KANSL1: variants seen among roughly 807,000 people sequenced by gnomAD.
KANSL1 encodes KAT8 regulatory NSL complex subunit 1.
KANSL1 carries 22 observed loss-of-function variants against 103.6 expected under a neutral mutation model. That is an observed-to-expected ratio of 0.21 (90% CI 0.15 to 0.30). The LOEUF (loss-of-function observed/expected upper bound fraction) is 0.30, where lower values mean the gene tolerates loss of function less well. KANSL1 is among the 10% of genes least tolerant of loss of function. The probability of loss-of-function intolerance (pLI) is 1.00; values close to 1 mark genes in which losing one functional copy is unlikely to be tolerated. For missense variants in KANSL1, 1,337 were observed against 1,399.8 expected, an observed-to-expected ratio of 0.96 and a Z score of 0.72; for synonymous variants, 600 against 527.6, an observed-to-expected ratio of 1.14 and a Z score of -1.88.
At chr17:46,052,904 T>C (rs1041160035) in intron 6 of KANSL1, among the ~76,000 whole-genome samples, 6 of 131,944 alleles carry the variant, frequency 4.5e-5, no homozygotes, top group African/African-American at 1.8e-4. Flanking sequence ...GTTCAGGTTA[T>C]AGTGAGCCAT....
chr17:46,205,275 T>C (rs1340157069), intron 1 of KANSL1, among the ~76,000 whole-genome samples: 3 of 152,110 alleles, frequency 2.0e-5, no homozygotes, highest in Admixed American at 2.0e-4. Context: ...AGTTACAGGA[T>C]ACAAGCTCAA....
chr17:46,200,066 C>CACACACACACA (rs201474670), intron 1 of KANSL1, among the ~76,000 whole-genome samples: 7 of 150,604 alleles, frequency 4.6e-5, no homozygotes, highest in African/African-American at 4.9e-5. Flanking sequence ...CACACACACA[C>CACACACACACA]CCTGATTATT....
At chr17:46,193,539 C>G (rs2147940329), upstream of KANSL1, 1 of 148,452 alleles carries the variant, frequency 6.7e-6, no homozygotes, top group Non-Finnish European at 1.5e-5. Context: ...CGGCGCGCCG[C>G]CAGGGGGCGC....
At chr17:46,043,253 AT>A (rs974824473) in intron 7 of KANSL1, 1 of 151,536 alleles carries the variant, frequency 6.6e-6, no homozygotes, top group Non-Finnish European at 1.5e-5. Context: ...CATAGATTTT[AT>A]TTTTTCCTTT....
chr17:46,112,499 A>G (rs1355554622), intron 2 of KANSL1, among the ~76,000 whole-genome samples: 3 of 151,816 alleles, frequency 2.0e-5, no homozygotes, highest in Non-Finnish European at 4.4e-5. Context: ...GGCGTGGCCA[A>G]CATGGTGAAA....
At chr17:46,077,989 T>C (rs1363663609) in intron 4 of KANSL1, among the ~76,000 whole-genome samples, 2 of 152,204 alleles carry the variant, frequency 1.3e-5, no homozygotes, top group African/African-American at 4.8e-5. Flanking sequence ...TATTCATATG[T>C]ATGGTAATTT....
At position 46,140,545 on chromosome 17, in the gene KANSL1, A is replaced by G. The variant is rs1045026039; in HGVS notation, c.1289+30310T>C. 3.2e-4 allele frequency among the ~76,000 whole-genome samples: 49 copies of G among 152,214 alleles called. 1 individual carries two copies. The highest frequency in any genetic ancestry group is 3.1e-3 in the Admixed American group (48 of 15,292). ...CAAAAGAAACAAAAAAAAAACATAA[A>G]TTGGACTATATCAAAATTTAAAACT... is the stretch of plus-strand genomic sequence containing the variant. On this transcript the variant is annotated intron_variant, in intron 2 of 14. Transcript: ENST00000432791.
chr17:46,142,551 G>A (rs2044476913), intron 2 of KANSL1, among the ~76,000 whole-genome samples: 1 of 152,246 alleles, frequency 6.6e-6, no homozygotes, highest in Admixed American at 6.5e-5. Flanking sequence ...TGAAGCTGCA[G>A]CAAGCTACGA....
intron 2 of KANSL1, among the ~76,000 whole-genome samples, chr17:46,116,751 T>C (rs1219436195): frequency 2.6e-5 from 4 of 152,184 alleles, no homozygotes; most frequent in Non-Finnish European, 5.9e-5. Flanking sequence ...TCCAATTTCT[T>C]ATCAGTTTTC....
At chr17:46,140,553 A>G (rs1167705424) in intron 2 of KANSL1, among the ~76,000 whole-genome samples, 6 of 152,206 alleles carry the variant, frequency 3.9e-5, no homozygotes, top group Non-Finnish European at 5.9e-5. Context: ...AAATTGGACT[A>G]TATCAAAATT....
At chr17:46,119,074 G>A (rs947185978) in intron 2 of KANSL1, among the ~76,000 whole-genome samples, 2 of 152,194 alleles carry the variant, frequency 1.3e-5, no homozygotes, top group Admixed American at 1.3e-4. Context: ...TCTCCAGCTG[G>A]ATCCTATACA....
chr17:46,063,177 T>C (rs1270800009), intron 6 of KANSL1, among the ~76,000 whole-genome samples: 5 of 152,260 alleles, frequency 3.3e-5, no homozygotes, highest in Non-Finnish European at 5.9e-5. Context: ...GCTTTGTGTG[T>C]TCTGTACTCT....
chr17:46,111,317 T>G (rs1240590896), intron 2 of KANSL1, among the ~76,000 whole-genome samples: 2 of 152,236 alleles, frequency 1.3e-5, no homozygotes, highest in East Asian at 3.8e-4. Flanking sequence ...CAAGCCATTC[T>G]CCTGCCTCAG....
At chr17:46,099,687 T>C (rs2042229222) in intron 2 of KANSL1, among the ~76,000 whole-genome samples, 2 of 152,388 alleles carry the variant, frequency 1.3e-5, no homozygotes, top group South Asian at 4.1e-4. Flanking sequence ...TTTAACTATG[T>C]GCCTGAGTAG....
At chr17:46,188,417 CTG>C (rs1476590721) in intron 1 of KANSL1, among the ~76,000 whole-genome samples, 1 of 152,222 alleles carries the variant, frequency 6.6e-6, no homozygotes, top group Non-Finnish European at 1.5e-5. Flanking sequence ...AGCATAGAAA[CTG>C]TAATTTAAAC....
At chr17:46,093,357 A>C (rs2079489743) in intron 3 of KANSL1, 2 of 152,766 alleles carry the variant, frequency 1.3e-5, no homozygotes, top group African/African-American at 4.8e-5. Flanking sequence ...CTAATTTTTA[A>C]ATAAGTAAAT....
chr17:46,219,476 C>A (rs1182562208), intron 1 of KANSL1, among the ~76,000 whole-genome samples: 3 of 152,190 alleles, frequency 2.0e-5, no homozygotes, highest in Non-Finnish European at 2.9e-5. Context: ...CATCCTCCCA[C>A]CTAGGCCTCT....
At chr17:46,125,118 G>C (rs1269720330) in intron 2 of KANSL1, among the ~76,000 whole-genome samples, 4 of 107,698 alleles carry the variant, frequency 3.7e-5, no homozygotes, top group African/African-American at 1.4e-4. Flanking sequence ...GGGAGGGAGG[G>C]AGGGAAAGAA....
chr17:46,108,260 T>C (rs942585461), intron 2 of KANSL1, among the ~76,000 whole-genome samples: 1 of 152,188 alleles, frequency 6.6e-6, no homozygotes, highest in Admixed American at 6.5e-5. Context: ...CCTGTTCTCC[T>C]CCTGGCTCAT....
Sources: allele counts gnomAD v4.1 joint callset (sites outside exome capture counted in the v4.1 genomes callset), GRCh38; gene constraint gnomAD v4.1.1; transcripts MANE v1.5; gene names NCBI Gene and HGNC (gene_info 2026-07-23, HGNC 2026-07-21).